RBBP7: variants seen among roughly 807,000 people sequenced by gnomAD.
The protein encoded by RBBP7 is RB binding protein 7, chromatin remodeling factor.
In RBBP7, 5 loss-of-function variants were observed where a neutral mutation model predicts 35.2. That is an observed-to-expected ratio of 0.14 (90% CI 0.07 to 0.30). The LOEUF (loss-of-function observed/expected upper bound fraction) is 0.30, where lower values mean the gene tolerates loss of function less well. RBBP7 is among the 10% of genes least tolerant of loss of function. The pLI is 1.00. For synonymous variants in RBBP7, 140 were observed against 118.7 expected (o/e 1.18, Z -1.17); for missense variants, 155 against 327.5 (o/e 0.47, Z 4.07).
chrX:16,862,915 T>C, intron 3 of RBBP7, 40 bp downstream of exon 3: 1 of 1,181,486 alleles, frequency 8.5e-7, no homozygotes, highest in Non-Finnish European at 1.1e-6. Context: ...AAGAGACATT[T>C]TCCCTTTGAC....
intron 1 of RBBP7, chrX:16,869,443 AGT>A (rs1373713364): frequency 8.7e-7 from 1 of 1,147,983 alleles, no homozygotes; most frequent in African/African-American, 1.8e-5. Context: ...CATGTTGGGT[AGT>A]CAATTACACG....
chrX:16,845,660 T>C (rs189523407), intron 11 of RBBP7, among the ~76,000 whole-genome samples, 168 bp downstream of exon 11: 105 of 112,626 alleles, frequency 9.3e-4, no homozygotes, highest in Middle Eastern at 4.6e-3. Flanking sequence ...CGAAGCACCA[T>C]ATGGGACTAA....
chrX:16,866,689 A>G (rs916983444), intron 2 of RBBP7, among the ~76,000 whole-genome samples: 3 of 111,052 alleles, frequency 2.7e-5, no homozygotes, highest in African/African-American at 9.8e-5. Flanking sequence ...GTTGTAAGTC[A>G]GCAGAAGAAA....
chrX:16,857,455 T>C, intron 5 of RBBP7, 139 bp downstream of exon 5: 1 of 996,690 alleles, frequency 1.0e-6, no homozygotes. Flanking sequence ...ACCATCTCTC[T>C]AAAGTCCTGG....
rs1010850850 is a variant in RBBP7, at chrX:16,845,682, T to C, written c.1209+146A>G. On this transcript the variant is annotated intron_variant, in intron 11 of 11. Transcript: ENST00000380087. ...CCATATGGGACTAAAGATTGTATTG[T>C]TGAAATGGAAAAAGTTCTTTTAAAC... is the stretch of plus-strand genomic sequence containing the variant. 7.6e-6 allele frequency: 8 copies of C among 1,049,268 alleles called. No individual in the cohort carries two copies. In the African/African-American group the frequency reaches 7.7e-5, roughly 10 times the overall value. The allele number at this position is 1,049,268 out of a possible 1,213,427, so 86.5% of individuals were successfully genotyped here. A position where few individuals can be genotyped will look rare whatever the true frequency, so the allele number is the denominator to read the frequency against.
chrX:16,862,050 CA>C lies in RBBP7; in HGVS notation c.307+904del, dbSNP rs1476761017. ...GGATGTGCCTATGCAACTAGTCCCCCAAGAAAGCCTCAGACCCCAAGACCCA... is the reference window on the plus strand; with the variant it reads ...GGATGTGCCTATGCAACTAGTCCCCCAGAAAGCCTCAGACCCCAAGACCCA... On this transcript the variant is annotated intron_variant, in intron 3 of 11. Coordinates refer to ENST00000380087, the MANE Select transcript of RBBP7 (RefSeq NM_002893.4). Among the ~76,000 whole-genome samples the C allele has an allele frequency of 2.7e-5, 3 of 111,552 alleles. No homozygotes were observed. The Admixed American group carries it at 2.9e-4, about 11-fold the overall frequency.
At chrX:16,856,498 C>A (rs1330920659) in intron 5 of RBBP7, among the ~76,000 whole-genome samples, 3 of 109,904 alleles carry the variant, frequency 2.7e-5, no homozygotes, top group African/African-American at 1.0e-4. Flanking sequence ...CCACTATACT[C>A]CAGCCTGGGT....
intron 3 of RBBP7, among the ~76,000 whole-genome samples, chrX:16,861,797 T>C (rs1246154599): frequency 8.9e-6 from 1 of 111,944 alleles, no homozygotes; most frequent in Non-Finnish European, 1.9e-5. Context: ...ACCCTATTAC[T>C]GACCCTTGGC....
intron 5 of RBBP7, among the ~76,000 whole-genome samples, chrX:16,856,389 G>C (rs1364010804): frequency 1.8e-5 from 2 of 111,094 alleles, no homozygotes; most frequent in African/African-American, 3.3e-5. Flanking sequence ...AATTAGCTGG[G>C]TTTCATGGTG....
At chrX:16,860,410 C>T (rs1046445182) in intron 3 of RBBP7, among the ~76,000 whole-genome samples, 10 of 111,395 alleles carry the variant, frequency 9.0e-5, no homozygotes, top group Admixed American at 4.8e-4. Flanking sequence ...CAATATTGGC[C>T]GGGCGTGGTG....
intron 11 of RBBP7, 48 bp downstream of exon 11, chrX:16,845,780 A>C (rs1930061300): frequency 1.7e-6 from 2 of 1,172,891 alleles, no homozygotes; most frequent in African/African-American, 1.8e-5. Context: ...GTAAGTAGTA[A>C]ATCTCTCCTT....
Position 16,845,816 on chromosome X carries a change from AT to A in RBBP7, c.1209+11del. The A allele has an allele frequency of 2.5e-6, 3 of 1,197,332 alleles. No individual in the cohort carries two copies. Among genetic ancestry groups the A allele is most frequent in the Non-Finnish European group, 3.4e-6 (3 of 889,484 alleles). Reference sequence around the variant, plus strand: ...TACAAGACAGTCATTCAAGAAAAACATTTTAACTCACCATTTGCCATATCTG... The same window carrying A: ...TACAAGACAGTCATTCAAGAAAAACATTTAACTCACCATTTGCCATATCTG... On this transcript the variant is annotated intron_variant, in intron 11 of 11. Transcript: ENST00000380087.
chrX:16,856,484 C>T (rs74789206), intron 5 of RBBP7, among the ~76,000 whole-genome samples: 12,846 of 109,440 alleles, frequency 0.12, 586 homozygotes, highest in East Asian at 0.26. Context: ...GAGCTGAGAT[C>T]GTGCCACTAT....
chrX:16,856,612 C>T (rs867803362), intron 5 of RBBP7, among the ~76,000 whole-genome samples: 2 of 110,162 alleles, frequency 1.8e-5, no homozygotes, highest in Non-Finnish European at 3.8e-5. Flanking sequence ...CAAAAAAAAA[C>T]CCAGGAAATA....
chrX:16,852,019 G>C, intron 9 of RBBP7, 27 bp downstream of exon 9: 1 of 1,162,377 alleles, frequency 8.6e-7, no homozygotes, highest in Non-Finnish European at 1.2e-6. Flanking sequence ...CATTTATGCA[G>C]TATCTTGTCA....
intron 2 of RBBP7, among the ~76,000 whole-genome samples, chrX:16,865,537 T>C (rs1340168091): frequency 8.9e-6 from 1 of 112,267 alleles, no homozygotes; most frequent in African/African-American, 3.2e-5. Flanking sequence ...TGAGGACTTT[T>C]CTTTTTACTA....
At chrX:16,852,693 T>C in intron 7 of RBBP7, 56 bp downstream of exon 7, 1 of 1,210,435 alleles carries the variant, frequency 8.3e-7, no homozygotes, top group Non-Finnish European at 1.1e-6. Flanking sequence ...AATATCTGAT[T>C]AAGGCACAAG....
At chrX:16,861,272 T>C (rs1930471597) in intron 3 of RBBP7, among the ~76,000 whole-genome samples, 2 of 112,457 alleles carry the variant, frequency 1.8e-5, no homozygotes, top group Non-Finnish European at 3.8e-5. Flanking sequence ...AGTAGTAAAC[T>C]GGGTAAATCA....
intron 1 of RBBP7, 103 bp downstream of exon 1, chrX:16,869,935 T>G (rs1472019230): frequency 1.3e-6 from 1 of 751,058 alleles, no homozygotes; most frequent in African/African-American, 2.4e-5. Context: ...CCCCGCCCCC[T>G]GCTCCGCACG....
Sources: gnomAD v4.1 joint callset for allele counts (sites outside exome capture counted in the v4.1 genomes callset) on GRCh38, gnomAD v4.1.1 for gene constraint, MANE v1.5 for transcripts, NCBI Gene and HGNC (gene_info 2026-07-23, HGNC 2026-07-21) for gene names.